COP1: variants seen among roughly 807,000 people sequenced by gnomAD.
The protein encoded by COP1 is COP1 E3 ubiquitin ligase.
In COP1, 24 loss-of-function variants were observed where a neutral mutation model predicts 101.3. That is an observed-to-expected ratio of 0.24 (90% CI 0.17 to 0.33). The LOEUF (loss-of-function observed/expected upper bound fraction) is 0.33, where lower values mean the gene tolerates loss of function less well. Among genes scored for constraint, COP1 ranks in the 10% least tolerant of loss-of-function variants. The probability of loss-of-function intolerance (pLI) is 1.00; values close to 1 mark genes in which losing one functional copy is unlikely to be tolerated. For missense variants in COP1, 663 were observed against 906.2 expected (o/e 0.73, Z 3.45); for synonymous variants, 347 against 341.9 (o/e 1.01, Z -0.17).
At chr1:176,055,847 T>C (rs1673382046) in intron 11 of COP1, among the ~76,000 whole-genome samples, 2 of 152,190 alleles carry the variant, frequency 1.3e-5, no homozygotes, top group Non-Finnish European at 2.9e-5. Flanking sequence ...CCTTCTATTT[T>C]ATTTAGGTTT....
rs184925262 is a variant in COP1, at chr1:176,091,581, T to C, written c.1027-5691A>G. ...TCAGAAGAAAGTGAAAAAAGTTGCA[T>C]TCTGGAGCTCTTGTATTGTTCAGGA... On this transcript the variant is annotated intron_variant, in intron 9 of 19. Coordinates refer to ENST00000367669, the MANE Select transcript of COP1 (RefSeq NM_022457.7). Among the ~76,000 whole-genome samples the C allele has an allele frequency of 3.3e-5, 5 of 152,264 alleles. 1 individual carries two copies. Among genetic ancestry groups the C allele is most frequent in the Admixed American group, 3.3e-4 (5 of 15,288 alleles).
At chr1:176,049,038 G>A (rs568518587) in intron 11 of COP1, among the ~76,000 whole-genome samples, 55 of 151,614 alleles carry the variant, frequency 3.6e-4, no homozygotes, top group African/African-American at 1.3e-3. Context: ...CAGGCGCGGT[G>A]GCGGGCGCCT....
intron 15 of COP1, among the ~76,000 whole-genome samples, chr1:176,003,935 C>T (rs1662429105): frequency 6.6e-6 from 1 of 151,972 alleles, no homozygotes; most frequent in Admixed American, 6.6e-5. Context: ...TGTAAATTAC[C>T]CTGGGCAGTA....
At chr1:176,183,272 G>C (rs373816729) in intron 2 of COP1, among the ~76,000 whole-genome samples, 3 of 152,254 alleles carry the variant, frequency 2.0e-5, no homozygotes, top group Middle Eastern at 6.8e-3. Context: ...TCCAACTTCA[G>C]CATAAAATTA....
At chr1:176,077,238 T>C (rs1678217159) in intron 11 of COP1, among the ~76,000 whole-genome samples, 1 of 152,092 alleles carries the variant, frequency 6.6e-6, no homozygotes, top group Non-Finnish European at 1.5e-5. Context: ...AAATACTCTG[T>C]ATTTGTTCAG....
At chr1:175,963,126 A>T (rs1651582234) in intron 18 of COP1, among the ~76,000 whole-genome samples, 1 of 151,896 alleles carries the variant, frequency 6.6e-6, no homozygotes, top group Admixed American at 6.6e-5. Flanking sequence ...ACCTGAGTAG[A>T]CTCTCTACTT....
chr1:176,147,697 C>T (rs1558203006), intron 6 of COP1, among the ~76,000 whole-genome samples: 1 of 152,136 alleles, frequency 6.6e-6, no homozygotes, highest in Non-Finnish European at 1.5e-5. Context: ...AATATAAAAA[C>T]ACTATGCCAA....
At chr1:176,148,234 T>A (rs1572522954) in intron 6 of COP1, among the ~76,000 whole-genome samples, 2 of 152,094 alleles carry the variant, frequency 1.3e-5, no homozygotes, top group Admixed American at 6.6e-5. Flanking sequence ...CACTTCATCA[T>A]CCAGTAAAAC....
At chr1:176,099,504 T>G (rs1682992179) in intron 9 of COP1, among the ~76,000 whole-genome samples, 1 of 76,662 alleles carries the variant, frequency 1.3e-5, no homozygotes, top group Admixed American at 2.0e-4. Context: ...GGAGCATATT[T>G]GTCTCTCTCT....
intron 15 of COP1, among the ~76,000 whole-genome samples, chr1:176,024,023 C>T (rs1298779440): frequency 1.3e-5 from 2 of 151,762 alleles, no homozygotes; most frequent in African/African-American, 2.4e-5. Flanking sequence ...TTTGGGAGGC[C>T]GAGGCAGGCA....
intron 5 of COP1, among the ~76,000 whole-genome samples, chr1:176,153,873 A>G (rs1447339701): frequency 6.6e-6 from 1 of 152,160 alleles, no homozygotes; most frequent in Non-Finnish European, 1.5e-5. Context: ...TTGTAGTTCC[A>G]TTCGTGTGAT....
Position 176,206,416 on chromosome 1 carries a change from T to C in COP1, c.407+156A>G, listed in dbSNP as rs936493962. On this transcript the variant is annotated intron_variant, in intron 1 of 19. Transcript: ENST00000367669. ...TCACCCCACCAACCAGGAGCTCGAA[T>C]GCCTGCAAACGCTCGATTCCCTCTG... is the stretch of plus-strand genomic sequence containing the variant. 9.1e-6 allele frequency: 7 copies of C among 769,872 alleles called. No homozygotes were observed. The African/African-American group carries it at 1.3e-4, about 14-fold the overall frequency. The allele number at this position is 769,872 out of a possible 1,614,324, so 47.7% of individuals were successfully genotyped here. A position where few individuals can be genotyped will look rare whatever the true frequency, so the allele number is the denominator to read the frequency against.
intron 1 of COP1, among the ~76,000 whole-genome samples, chr1:176,187,437 C>T (rs961518810): frequency 2.7e-5 from 4 of 150,318 alleles, no homozygotes; most frequent in African/African-American, 9.9e-5. Context: ...GTGTATAAGA[C>T]AGGATCTCCT....
At chr1:176,159,773 A>G (rs1270493197) in intron 5 of COP1, among the ~76,000 whole-genome samples, 2 of 152,212 alleles carry the variant, frequency 1.3e-5, no homozygotes, top group Admixed American at 6.5e-5. Context: ...ACTAACATAC[A>G]TAAGAAACGC....
intron 9 of COP1, among the ~76,000 whole-genome samples, chr1:176,106,220 G>A (rs554005718): frequency 2.5e-4 from 38 of 152,078 alleles, no homozygotes; most frequent in African/African-American, 8.4e-4. Flanking sequence ...TTGTAGAGAC[G>A]AGGTTTCTCC....
At chr1:176,045,881 T>C (rs1410823708) in intron 12 of COP1, among the ~76,000 whole-genome samples, 1 of 151,798 alleles carries the variant, frequency 6.6e-6, no homozygotes, top group Non-Finnish European at 1.5e-5. Context: ...TTAATCCTCA[T>C]TCAGTACTCC....
At chr1:176,069,534 C>T (rs761724679) in intron 11 of COP1, among the ~76,000 whole-genome samples, 1 of 152,168 alleles carries the variant, frequency 6.6e-6, no homozygotes, top group Non-Finnish European at 1.5e-5. Flanking sequence ...CAGGAATACC[C>T]ACTAGGTATC....
intron 1 of COP1, among the ~76,000 whole-genome samples, chr1:176,187,319 C>T (rs1698587026): frequency 6.6e-6 from 1 of 151,982 alleles, no homozygotes; most frequent in Non-Finnish European, 1.5e-5. Flanking sequence ...CACATATATA[C>T]ACACACATAT....
intron 15 of COP1, among the ~76,000 whole-genome samples, chr1:176,004,636 T>C (rs1662630956): frequency 6.6e-6 from 1 of 152,042 alleles, no homozygotes; most frequent in Admixed American, 6.5e-5. Context: ...TTGGCTCTGT[T>C]TATATGCTGG....
Sources: gnomAD v4.1 joint callset for allele counts (sites outside exome capture counted in the v4.1 genomes callset) on GRCh38, gnomAD v4.1.1 for gene constraint, MANE v1.5 for transcripts, NCBI Gene and HGNC (gene_info 2026-07-23, HGNC 2026-07-21) for gene names.